ARHGEF40: variants seen among roughly 807,000 people sequenced by gnomAD.
ARHGEF40 encodes Rho guanine nucleotide exchange factor 40, also known as Rho guanine nucleotide exchange factor (GEF) 40.
ARHGEF40 carries 98 observed loss-of-function variants against 165.9 expected under a neutral mutation model. The observed-to-expected ratio is 0.59, with a 90% CI of 0.50 to 0.70. The LOEUF (loss-of-function observed/expected upper bound fraction) is 0.70. ARHGEF40 is among the 30% of genes least tolerant of loss of function. ARHGEF40 has a pLI of 0.00. For synonymous variants in ARHGEF40, 792 were observed against 814.3 expected, an observed-to-expected ratio of 0.97 and a Z score of 0.47; for missense variants, 1,815 against 1,968.0, an observed-to-expected ratio of 0.92 and a Z score of 1.47.
Position 21,074,107 on chromosome 14 carries a change from C to G in ARHGEF40, c.377C>G (p.Pro126Arg), listed in dbSNP as rs1474873622. The G allele has an allele frequency of 1.2e-6, 2 of 1,614,000 alleles. No individual in the cohort carries two copies. Among genetic ancestry groups the G allele is most frequent in the Non-Finnish European group, 1.7e-6 (2 of 1,180,020 alleles). The change falls in exon 3 of 24, where the codon CCT becomes CGT. Residue 126 changes from proline (P) to arginine (R), a missense_variant. Coordinates refer to ENST00000298694, the MANE Select transcript of ARHGEF40 (RefSeq NM_018071.5). The surrounding 1 kb of genome is among the most constrained non-coding windows in gnomAD (Gnocchi z 4.8). ...CGACTAGCACTCAAGTGTCTGGCCC[C>G]TGGGGGTGGGCGGGTGCAGGAGGTT... ...APRLALKCLA[P>R]GGGRVQEVPV... is the part of the protein sequence containing the mutation.
Position 21,074,545 on chromosome 14 carries a change from C to A in ARHGEF40, c.815C>A (p.Pro272His). 6.4e-7 allele frequency: 1 copy of A among 1,551,712 alleles called. No homozygotes were observed. Among genetic ancestry groups the A allele is most frequent in the South Asian group, 1.2e-5 (1 of 83,250 alleles). ...SPGLSRVRTV[P>H]TRKGAGGKGR... is the part of the protein sequence containing the mutation. ...GGCCTCTCCAGAGTCCGGACGGTAC[C>A]CACCCGCAAGGGCGCTGGAGGGAAG... is the stretch of plus-strand genomic sequence containing the variant. The change falls in exon 3 of 24, where the codon CCC becomes CAC. Residue 272 changes from proline (P) to histidine (H), a missense_variant. By Grantham distance (77) the Pro-to-His change is moderately conservative. Coordinates refer to ENST00000298694, the MANE Select transcript of ARHGEF40 (RefSeq NM_018071.5). The surrounding 1 kb of genome is among the most constrained non-coding windows in gnomAD (Gnocchi z 4.8).
rs1594546708 is a variant in ARHGEF40, at chr14:21,072,302, G to A, written c.4-743G>A. 6.6e-6 allele frequency among the ~76,000 whole-genome samples: 1 copy of A among 152,058 alleles called. No individual in the cohort carries two copies. Among genetic ancestry groups the A allele is most frequent in the African/African-American group, 2.4e-5 (1 of 41,398 alleles). On this transcript the variant is annotated intron_variant, in intron 1 of 23. Coordinates refer to ENST00000298694, the MANE Select transcript of ARHGEF40 (RefSeq NM_018071.5). The surrounding 1 kb of genome is among the most constrained non-coding windows in gnomAD (Gnocchi z 4.1). ...GATCAGCTCGAATGCGCACCATCAA[G>A]GCCTCCTCCTCCCTTCCCACAAGTT...
chr14:21,086,405 A>G (rs1012699179), intron 19 of ARHGEF40: 19 of 153,198 alleles, frequency 1.2e-4, no homozygotes, highest in African/African-American at 4.6e-4. Flanking sequence ...AAATTTTTTA[A>G]TAAAGCAAAT....
chr14:21,087,084 A>C lies in ARHGEF40; in HGVS notation c.4222A>C (p.Ser1408Arg), dbSNP rs1053735835. The change falls in exon 20 of 24, where the codon AGT (serine) becomes CGT (arginine). Residue 1408 changes from serine (S) to arginine (R), a missense_variant. By Grantham distance (110) the Ser-to-Arg change is moderately radical. Coordinates refer to ENST00000298694, the MANE Select transcript of ARHGEF40 (RefSeq NM_018071.5). ...CAAAGCCCTTGGGGAGCGGACGCTG[A>C]GTGCCCTGCTCACTGGAAGAGGTGA... The part of the protein sequence containing the change: ...DIKALGERTL[S>R]ALLTGRAART... The C allele has an allele frequency of 3.1e-6, 5 of 1,608,306 alleles. No homozygotes were observed. In the African/African-American group the frequency reaches 6.7e-5, roughly 21 times the overall value.
intron 13 of ARHGEF40, chr14:21,081,300 C>G: frequency 1.3e-6 from 1 of 797,080 alleles, no homozygotes; most frequent in South Asian, 1.8e-5. Context: ...CGTATGAGTA[C>G]CGGTTATTCT....
chr14:21,071,860 C>T (rs1357410390), intron 1 of ARHGEF40, among the ~76,000 whole-genome samples: 15 of 152,228 alleles, frequency 9.9e-5, no homozygotes, highest in African/African-American at 3.1e-4. Context: ...GGGGCCGGGT[C>T]TGCGCGCTGA....
upstream of ARHGEF40, among the ~76,000 whole-genome samples, chr14:21,067,985 T>TCTCCATGAAAAAAAAAATGATCCAC (rs1566514089): frequency 7.0e-4 from 3 of 4,290 alleles, no homozygotes; most frequent in African/African-American, 5.1e-3. Context: ...CTCCCCTTTT[T>TCTCCATGAAAAAAAAAATGATCCAC]TTTTTTTTTT....
chr14:21,062,594 T>C, the ARHGEF40 span, among the ~76,000 whole-genome samples: 2 of 152,140 alleles, frequency 1.3e-5, no homozygotes, highest in Non-Finnish European at 2.9e-5. Context: ...TCAAAGGCTG[T>C]GGTCAGGTCT....
intron 22 of ARHGEF40, among the ~76,000 whole-genome samples, 156 bp from the exon 23 acceptor site, chr14:21,088,674 C>T (rs1050980529): frequency 1.3e-5 from 2 of 152,130 alleles, no homozygotes; most frequent in East Asian, 3.9e-4. Flanking sequence ...CAACAGTGAG[C>T]ACCTGTCTCT....
upstream of ARHGEF40, among the ~76,000 whole-genome samples, chr14:21,067,188 A>G (rs1302934760): frequency 6.6e-6 from 1 of 152,178 alleles, no homozygotes; most frequent in Non-Finnish European, 1.5e-5. Flanking sequence ...CTTCCCCCGT[A>G]TTAGGATAGC....
At chr14:21,088,234 ATTTATTATCTT>A in intron 22 of ARHGEF40, 136 bp downstream of exon 22, 2 of 1,154,422 alleles carry the variant, frequency 1.7e-6, no homozygotes, top group Non-Finnish European at 2.4e-6. Context: ...TACAGTCTGG[ATTTATTATCTT>A]GTCTACCTTT....
In ARHGEF40 at chr14:21,083,962, G is replaced by C. The variant is rs753812011; in HGVS notation, c.3701G>C (p.Arg1234Pro). 1.2e-6 allele frequency: 2 copies of C among 1,613,730 alleles called. No individual in the cohort carries two copies. The highest frequency in any genetic ancestry group is 8.5e-7 in the Non-Finnish European group (1 of 1,179,936). Reference protein sequence around the residue: ...EAGPELSSECRALGAAVQLLR... With the variant: ...EAGPELSSECPALGAAVQLLR... ...GGGCCTGAGCTCAGTTCTGAGTGCC[G>C]GGCCCTTGGGGCTGCTGTACAGCTG... The change falls in exon 17 of 24, where the codon CGG becomes CCG. Residue 1234 changes from arginine (R) to proline (P), a missense_variant. By Grantham distance (103) the Arg-to-Pro change is moderately radical. Coordinates refer to ENST00000298694, the MANE Select transcript of ARHGEF40 (RefSeq NM_018071.5).
chr14:21,087,766 G>T (rs1446757063), intron 21 of ARHGEF40: 1 of 757,322 alleles, frequency 1.3e-6, no homozygotes, highest in East Asian at 2.5e-5. Flanking sequence ...ATAGTTTCCT[G>T]TCGCTTCTTC....
At chr14:21,086,158 G>GT (rs1222150036) in intron 19 of ARHGEF40, 4 of 345,464 alleles carry the variant, frequency 1.2e-5, no homozygotes, top group Non-Finnish European at 2.2e-5. Context: ...TGGGAGGATT[G>GT]TTTGAGGCCA....
Position 21,089,158 on chromosome 14 carries a change from G to T in ARHGEF40, c.*150G>T. On this transcript the variant is annotated 3_prime_UTR_variant, in exon 24 of 24. Coordinates refer to ENST00000298694, the MANE Select transcript of ARHGEF40 (RefSeq NM_018071.5). ...GAGGAGGTCTAACGACCAGAGTATTGCCCTGCCACCACTATCTCTAGTCTC... is the reference window on the plus strand; with the variant it reads ...GAGGAGGTCTAACGACCAGAGTATTTCCCTGCCACCACTATCTCTAGTCTC... 1 of 403,180 alleles carries T rather than the reference G, an allele frequency of 2.5e-6. No individual in the cohort carries two copies. The highest frequency in any genetic ancestry group is 4.5e-6 in the Non-Finnish European group (1 of 224,672). The allele number at this position is 403,180 out of a possible 1,614,324, so 25.0% of individuals were successfully genotyped here.
At position 21,073,136 on chromosome 14, in the gene ARHGEF40, T is replaced by C; in HGVS notation, c.95T>C (p.Val32Ala). The C allele has an allele frequency of 6.2e-7, 1 of 1,614,090 alleles. No homozygotes were observed. Among genetic ancestry groups the C allele is most frequent in the East Asian group, 2.2e-5 (1 of 44,878 alleles). ...ACAGCCCCCACCCTGTTGGGCCAGG[T>C]GTTCCAGGTGGTGGAGAGGACTTAT... The part of the protein sequence containing the change: ...EATAPTLLGQ[V>A]FQVVERTYRE... The change falls in exon 2 of 24, where the codon GTG becomes GCG. Residue 32 changes from valine to alanine, a missense_variant. Transcript: ENST00000298694. The surrounding 1 kb of genome is among the most constrained non-coding windows in gnomAD (Gnocchi z 4.6).
Position 21,075,378 on chromosome 14 carries a change from G to A in ARHGEF40, c.1497G>A (p.Pro499=), listed in dbSNP as rs148260209. 1.7e-5 allele frequency: 27 copies of A among 1,614,050 alleles called. No homozygotes were observed. Among genetic ancestry groups the A allele is most frequent in the South Asian group, 5.5e-5 (5 of 91,090 alleles). The change falls in exon 4 of 24, where the codon CCG becomes CCA. Residue 499 remains proline (P), a synonymous_variant. Coordinates refer to ENST00000298694, the MANE Select transcript of ARHGEF40 (RefSeq NM_018071.5). This position sits in a 1 kb window ranked among gnomAD's most constrained non-coding sequence, Gnocchi z 4.5. ...EGPLSDTPTP[P]LETVQEGKGD... ...CCCTGTCTGACACTCCAACACCTCCGCTGGAGACTGTGCAGGAAGGAAAAG... is the reference window on the plus strand; with the variant it reads ...CCCTGTCTGACACTCCAACACCTCCACTGGAGACTGTGCAGGAAGGAAAAG...
chr14:21,071,231 C>T (rs1886812266), intron 1 of ARHGEF40, among the ~76,000 whole-genome samples: 1 of 152,172 alleles, frequency 6.6e-6, no homozygotes, highest in South Asian at 2.1e-4. Context: ...AAGCCCACAC[C>T]AACAGGAGTG....
the ARHGEF40 span, among the ~76,000 whole-genome samples, chr14:21,061,522 G>C: frequency 6.6e-6 from 1 of 151,962 alleles, no homozygotes; most frequent in Non-Finnish European, 1.5e-5. Context: ...GGTGAAGCTG[G>C]GACCACAGAA....
Sources: allele counts gnomAD v4.1 joint callset (sites outside exome capture counted in the v4.1 genomes callset), GRCh38; gene constraint gnomAD v4.1.1; non-coding constraint Gnocchi (gnomAD v3.1); transcripts MANE v1.5; gene names NCBI Gene and HGNC (gene_info 2026-07-23, HGNC 2026-07-21).